Variants in TASOR2 observed in about 807,000 individuals in gnomAD.
The protein encoded by TASOR2 is protein TASOR 2.
TASOR2 carries 84 observed loss-of-function variants against 199.5 expected under a neutral mutation model. The ratio of observed to expected loss-of-function variants is 0.42; its 90% CI spans 0.35 to 0.50. The LOEUF (loss-of-function observed/expected upper bound fraction) is 0.50. Ranked by LOEUF, TASOR2 falls within the 20% of genes least tolerant of loss-of-function variation. The pLI is 0.02. For missense variants in TASOR2, 2,796 were observed against 2,835.9 expected (o/e 0.99, Z 0.32); for synonymous variants, 1,103 against 1,046.6 (o/e 1.05, Z -1.04).
chr10:5,746,592 A>G (rs1837248799), exon 15 of TASOR2: 1 of 1,614,098 alleles, frequency 6.2e-7, no homozygotes, highest in South Asian at 1.1e-5. Flanking sequence ...TCACCTTTGA[A>G]AAAAATGCAC....
chr10:5,748,625 A>T lies in TASOR2; in HGVS notation c.5204A>T (p.Asp1735Val). ...CGCAAAGCCATCCACACGCTGCAAG[A>T]TGTGTCAACATGTGAAACAAAGGAG... Residue 1735 changes from aspartate to valine, a missense_variant, in exon 15 of 21, where the codon GAT becomes GTT. Physicochemically the swap from Asp to Val is radical, Grantham distance 152 (BLOSUM62 -3). Transcript: ENST00000328090. The surrounding 1 kb of genome is among the most constrained non-coding windows in gnomAD (Gnocchi z 5.1). 6.2e-7 allele frequency: 1 copy of T among 1,614,194 alleles called. No individual in the cohort carries two copies. The highest frequency in any genetic ancestry group is 8.5e-7 in the Non-Finnish European group (1 of 1,180,040).
chr10:5,741,812 G>A (rs1300124935), intron 13 of TASOR2, among the ~76,000 whole-genome samples: 5 of 152,286 alleles, frequency 3.3e-5, no homozygotes, highest in South Asian at 4.1e-4. Context: ...TAAAAGACAC[G>A]TGCTACCCAT....
chr10:5,755,046 C>CAAA (rs34884255), intron 15 of TASOR2, among the ~76,000 whole-genome samples: 789 of 77,846 alleles, frequency 0.01, 7 homozygotes, highest in African/African-American at 0.03. Context: ...ACTCTTGTCT[C>CAAA]AAAAAAAAAA....
intron 15 of TASOR2, 50 bp from the exon 17 acceptor site, chr10:5,756,563 T>G: frequency 6.3e-7 from 1 of 1,596,452 alleles, no homozygotes; most frequent in Non-Finnish European, 8.5e-7. Flanking sequence ...ATACAGGTAG[T>G]TCTGTGGAAG....
chr10:5,745,556 G>T (rs1837071239), intron 14 of TASOR2, among the ~76,000 whole-genome samples: 1 of 152,118 alleles, frequency 6.6e-6, no homozygotes, highest in African/African-American at 2.4e-5. Context: ...GAGGTGGGTG[G>T]ATCACTTGAG....
chr10:5,741,111 A>G (rs1171909727), intron 13 of TASOR2, among the ~76,000 whole-genome samples: 1 of 152,218 alleles, frequency 6.6e-6, no homozygotes, highest in African/African-American at 2.4e-5. Flanking sequence ...TGTGCTGCTC[A>G]TCTAGAGATT....
At chr10:5,724,180 T>C (rs1564297998) in intron 7 of TASOR2, among the ~76,000 whole-genome samples, 1 of 55,278 alleles carries the variant, frequency 1.8e-5, no homozygotes. Context: ...CACTGATGTT[T>C]ATTCATGTAG....
chr10:5,740,219 A>G lies in TASOR2; in HGVS notation c.2049A>G (p.Thr683=), dbSNP rs750458463. 1.2e-6 allele frequency: 2 copies of G among 1,614,130 alleles called. No individual in the cohort carries two copies. The highest frequency in any genetic ancestry group is 1.7e-6 in the Non-Finnish European group (2 of 1,180,060). Residue 683 remains threonine, a synonymous_variant, in exon 13 of 21, where the codon ACA becomes ACG. Coordinates refer to ENST00000328090, the Ensembl canonical transcript of TASOR2. This position sits in a 1 kb window ranked among gnomAD's most constrained non-coding sequence, Gnocchi z 5.3. The stretch of plus-strand genomic sequence containing the variant: ...GCCCTCTGTTTCCCAGGAATGGGAC[A>G]AAAAGCCCTGAAGCAGCAACCCCAG...
intron 12 of TASOR2, among the ~76,000 whole-genome samples, chr10:5,739,213 AG>A (rs1345262967): frequency 2.0e-5 from 3 of 152,172 alleles, no homozygotes. Flanking sequence ...TTAGATTGTA[AG>A]CTCCCAAGGG....
At chr10:5,696,888 G>A (rs1056749884) in intron 1 of TASOR2, among the ~76,000 whole-genome samples, 2 of 152,018 alleles carry the variant, frequency 1.3e-5, no homozygotes, top group Admixed American at 6.6e-5. Flanking sequence ...AAACTGCTGC[G>A]ACAGAAGAAA....
At chr10:5,724,465 G>T in exon 8 of TASOR2, 1 of 1,539,674 alleles carries the variant, frequency 6.5e-7, no homozygotes, top group Non-Finnish European at 8.7e-7. Context: ...TTTGTATGAG[G>T]TAGAACTGTC....
At position 5,719,409 on chromosome 10, in the gene TASOR2, C is replaced by G. The variant is rs1833073972; in HGVS notation, c.-99-1135C>G. Among the ~76,000 whole-genome samples the G allele has an allele frequency of 6.6e-6, 1 of 152,086 alleles. No individual in the cohort carries two copies. Among genetic ancestry groups the G allele is most frequent in the Admixed American group, 6.5e-5 (1 of 15,272 alleles). ...CCAGGCTGGAGTGTAGTGACACAAT[C>G]TCAGCTCACTGCAACCTCCACCTCC... On this transcript the variant is annotated intron_variant, in intron 3 of 20. Coordinates refer to ENST00000328090, the Ensembl canonical transcript of TASOR2. The surrounding 1 kb of genome is among the most constrained non-coding windows in gnomAD (Gnocchi z 4.1).
exon 15 of TASOR2, chr10:5,746,791 C>A (rs925712655): frequency 3.7e-6 from 6 of 1,614,078 alleles, no homozygotes; most frequent in South Asian, 1.1e-5. Context: ...CACTAAGTAC[C>A]TTTGTGCCTC....
At chr10:5,723,043 CTTTTTT>C (rs1183983010) in intron 6 of TASOR2, among the ~76,000 whole-genome samples, 3 of 72,908 alleles carry the variant, frequency 4.1e-5, no homozygotes, top group East Asian at 5.1e-4. Context: ...CAGGAAATAA[CTTTTTT>C]TTTTTTTTTT....
At chr10:5,749,970 T>C in exon 15 of TASOR2, 2 of 1,613,842 alleles carry the variant, frequency 1.2e-6, no homozygotes, top group Non-Finnish European at 1.7e-6. Flanking sequence ...CTTGTAAAAG[T>C]ACCTTCCTGT....
exon 21 of TASOR2, chr10:5,763,644 A>C (rs1840208429): frequency 6.6e-6 from 1 of 151,970 alleles, no homozygotes; most frequent in Non-Finnish European, 1.5e-5. Flanking sequence ...ACTCAAAACC[A>C]AGCAAAAAAC....
At chr10:5,756,496 A>G in intron 15 of TASOR2, 117 bp from the exon 17 acceptor site, 2 of 956,214 alleles carry the variant, frequency 2.1e-6, no homozygotes, top group Non-Finnish European at 3.0e-6. Flanking sequence ...AATAAGACAA[A>G]TTGTCATTTA....
At position 5,738,962 on chromosome 10, in the gene TASOR2, A is replaced by T. The variant is rs572177437; in HGVS notation, c.1448-656A>T. ...TCTTTCTTGGATAATGTAAAAGGTC[A>T]ATGTTTTTGGTAATGAAAGTAAAAT... On this transcript the variant is annotated intron_variant, in intron 12 of 20. Coordinates refer to ENST00000328090, the Ensembl canonical transcript of TASOR2. This position sits in a 1 kb window ranked among gnomAD's most constrained non-coding sequence, Gnocchi z 4.7. 8.5e-5 allele frequency among the ~76,000 whole-genome samples: 13 copies of T among 152,364 alleles called. No homozygotes were observed. Among genetic ancestry groups the T allele is most frequent in the African/African-American group, 3.1e-4 (13 of 41,590 alleles).
chr10:5,699,697 C>A lies in TASOR2; in HGVS notation c.-287-13126C>A. 1.9e-6 allele frequency: 1 copy of A among 514,516 alleles called. No individual in the cohort carries two copies. The highest frequency in any genetic ancestry group is 2.5e-6 in the Non-Finnish European group (1 of 400,060). 31.9% of individuals were successfully genotyped at this position (514,516 alleles called of 1,614,324 possible). A position where few individuals can be genotyped will look rare whatever the true frequency, so the allele number is the denominator to read the frequency against. The stretch of plus-strand genomic sequence containing the variant: ...TCAGAAGTACACAAGGGAGACTAGA[C>A]ACCATGGCAAAGATCATAAAAGTAG... On this transcript the variant is annotated intron_variant, in intron 1 of 20. Transcript: ENST00000328090. The surrounding 1 kb of genome is among the most constrained non-coding windows in gnomAD (Gnocchi z 4.1).
Sources: allele counts gnomAD v4.1 joint callset (sites outside exome capture counted in the v4.1 genomes callset), GRCh38; gene constraint gnomAD v4.1.1; non-coding constraint Gnocchi (gnomAD v3.1); transcripts MANE v1.5; gene names NCBI Gene and HGNC (gene_info 2026-07-23, HGNC 2026-07-21).